Variants in PRKCH observed in about 807,000 individuals in gnomAD.
PRKCH encodes protein kinase C eta.
In PRKCH, 28 loss-of-function variants were observed where a neutral mutation model predicts 82.5. The ratio of observed to expected loss-of-function variants is 0.34; its 90% confidence interval spans 0.25 to 0.47. The LOEUF (loss-of-function observed/expected upper bound fraction) is 0.47. Among genes scored for constraint, PRKCH ranks in the 20% least tolerant of loss-of-function variants. PRKCH has a pLI of 1.00. For synonymous variants in PRKCH, 322 were observed against 327.4 expected, an observed-to-expected ratio of 0.98 and a Z score of 0.18; for missense variants, 705 against 881.8, an observed-to-expected ratio of 0.80 and a Z score of 2.54.
At chr14:61,320,142 T>C (rs1170287701), upstream of PRKCH, among the ~76,000 whole-genome samples, 2 of 151,848 alleles carry the variant, frequency 1.3e-5, no homozygotes, top group African/African-American at 2.4e-5. Context: ...TGGTAAGCCA[T>C]GATCACACCG....
chr14:61,501,534 C>CT (rs1454566466), intron 10 of PRKCH, among the ~76,000 whole-genome samples: 2 of 151,808 alleles, frequency 1.3e-5, no homozygotes, highest in Non-Finnish European at 2.9e-5. Context: ...ATCTTGAGCT[C>CT]TTTTTTGTTC....
chr14:61,450,749 GA>G, intron 5 of PRKCH, 92 bp from the exon 6 acceptor site: 2 of 1,460,452 alleles, frequency 1.4e-6, no homozygotes, highest in Non-Finnish European at 1.9e-6. Context: ...GTGTCATAGT[GA>G]CACTTTGCAT....
At chr14:61,204,535 G>A (rs2044507172) in intron 1 of PRKCH, among the ~76,000 whole-genome samples, 1 of 152,100 alleles carries the variant, frequency 6.6e-6, no homozygotes, top group African/African-American at 2.4e-5. Flanking sequence ...CAGGAGGATT[G>A]CTTGCACTCA....
chr14:61,253,482 G>A (rs760016997), intron 1 of PRKCH, among the ~76,000 whole-genome samples: 36 of 151,622 alleles, frequency 2.4e-4, no homozygotes, highest in Non-Finnish European at 4.0e-4. Flanking sequence ...CCCCTTGGCT[G>A]CATATTTTCA....
At chr14:61,222,727 G>A (rs939729284) in intron 1 of PRKCH, among the ~76,000 whole-genome samples, 3 of 152,172 alleles carry the variant, frequency 2.0e-5, no homozygotes, top group Admixed American at 1.3e-4. Flanking sequence ...CTGTTAGTTC[G>A]ACAATGGATA....
At chr14:61,265,716 G>A (rs984264084) in intron 1 of PRKCH, among the ~76,000 whole-genome samples, 3 of 152,096 alleles carry the variant, frequency 2.0e-5, no homozygotes, top group Admixed American at 6.6e-5. Flanking sequence ...ACATAAAACT[G>A]CAATATTGCT....
intron 1 of PRKCH, among the ~76,000 whole-genome samples, chr14:61,191,540 G>A (rs1365315365): frequency 1.3e-5 from 2 of 152,282 alleles, no homozygotes; most frequent in Middle Eastern, 3.4e-3. Context: ...GGGTATGGTG[G>A]TGCACACCTG....
intron 1 of PRKCH, among the ~76,000 whole-genome samples, chr14:61,189,502 ATC>A (rs34112120): frequency 1.4e-4 from 21 of 146,954 alleles, no homozygotes; most frequent in Non-Finnish European, 1.7e-4. Flanking sequence ...CTGAAATGTT[ATC>A]TCTCTCTCTC....
intron 1 of PRKCH, among the ~76,000 whole-genome samples, chr14:61,240,890 A>G (rs2044831200): frequency 6.6e-6 from 1 of 152,122 alleles, no homozygotes; most frequent in Non-Finnish European, 1.5e-5. Context: ...ACAACACAGA[A>G]CACTTCAGTA....
intron 2 of PRKCH, among the ~76,000 whole-genome samples, chr14:61,430,870 T>A (rs1024324035): frequency 2.0e-5 from 3 of 151,988 alleles, no homozygotes; most frequent in African/African-American, 7.2e-5. Flanking sequence ...TTCTCCTGCC[T>A]CAGCCTCCCG....
At position 61,505,373 on chromosome 14, in the gene PRKCH, GTCTTTTCTTT is replaced by G. The variant is rs1171315407; in HGVS notation, c.1433+19734_1433+19743del. On this transcript the variant is annotated intron_variant, in intron 10 of 13. Coordinates refer to ENST00000332981, the MANE Select transcript of PRKCH (RefSeq NM_006255.5). ...GCCGTGAGAGAGCTCTCTAGGATTTGTCTTTTCTTTTCTTTTCTTTTCTTTTTTTTTTTTT... is the reference window on the plus strand; with the variant it reads ...GCCGTGAGAGAGCTCTCTAGGATTTGTCTTTTCTTTTCTTTTTTTTTTTTT... Among the ~76,000 whole-genome samples the G allele has an allele frequency of 9.4e-4, 98 of 104,218 alleles. No individual in the cohort carries two copies. In the East Asian group the frequency reaches 0.01, roughly 11 times the overall value. The allele number at this position is 104,218 out of a possible 152,430, so 68.4% of individuals were successfully genotyped here.
chr14:61,230,927 G>A (rs1213063819), intron 1 of PRKCH, among the ~76,000 whole-genome samples: 1 of 152,222 alleles, frequency 6.6e-6, no homozygotes, highest in East Asian at 1.9e-4. Flanking sequence ...CTACCCCAGG[G>A]TGTCCTCTAT....
At chr14:61,490,101 T>C (rs1421051696) in intron 10 of PRKCH, among the ~76,000 whole-genome samples, 2 of 152,216 alleles carry the variant, frequency 1.3e-5, no homozygotes, top group Non-Finnish European at 2.9e-5. Flanking sequence ...TTGTGCCTTA[T>C]GCAGCTGTTG....
At chr14:61,513,085 A>G (rs1389942504) in intron 10 of PRKCH, among the ~76,000 whole-genome samples, 1 of 152,166 alleles carries the variant, frequency 6.6e-6, no homozygotes, top group African/African-American at 2.4e-5. Flanking sequence ...GGAACAGCGC[A>G]ATGGGATTGG....
intron 10 of PRKCH, among the ~76,000 whole-genome samples, chr14:61,486,141 C>G (rs1886209648): frequency 6.6e-6 from 1 of 152,212 alleles, no homozygotes; most frequent in African/African-American, 2.4e-5. Flanking sequence ...TGCTAAGGAC[C>G]TGTCATAGCC....
intron 3 of PRKCH, among the ~76,000 whole-genome samples, chr14:61,444,185 G>A (rs760613520): frequency 5.3e-5 from 8 of 151,916 alleles, no homozygotes; most frequent in South Asian, 2.1e-4. Flanking sequence ...AAGAAACAAC[G>A]ATTTTGAGAT....
intron 1 of PRKCH, among the ~76,000 whole-genome samples, chr14:61,371,787 A>G (rs2046366966): frequency 6.6e-6 from 1 of 152,018 alleles, no homozygotes; most frequent in African/African-American, 2.4e-5. Flanking sequence ...GTCACTGTAC[A>G]TAGCTCACAC....
chr14:61,243,383 C>CA (rs10555022), intron 1 of PRKCH, among the ~76,000 whole-genome samples: 95 of 103,368 alleles, frequency 9.2e-4, no homozygotes, highest in African/African-American at 2.5e-3. Context: ...GACTCTGTCT[C>CA]AAAAAAAAAA....
intron 1 of PRKCH, among the ~76,000 whole-genome samples, chr14:61,347,310 G>T (rs191128196): frequency 6.6e-6 from 1 of 152,194 alleles, no homozygotes; most frequent in Non-Finnish European, 1.5e-5. Flanking sequence ...GTTTAAAGCA[G>T]TTTGGATGTG....
Sources: allele counts gnomAD v4.1 joint callset (sites outside exome capture counted in the v4.1 genomes callset), GRCh38; gene constraint gnomAD v4.1.1; transcripts MANE v1.5; gene names NCBI Gene and HGNC (gene_info 2026-07-23, HGNC 2026-07-21).